PTPRD: variants seen among roughly 807,000 people sequenced by gnomAD.
The protein encoded by PTPRD is protein tyrosine phosphatase receptor type D.
PTPRD carries 34 observed loss-of-function variants against 214.5 expected under a neutral mutation model. That is an observed-to-expected ratio of 0.16 (90% CI 0.12 to 0.21). The LOEUF is 0.21. Ranked by LOEUF, PTPRD falls within the 10% of genes least tolerant of loss-of-function variation. The pLI is 1.00. For missense variants in PTPRD, 2,545 were observed against 2,398.7 expected (o/e 1.06, Z -1.27); for synonymous variants, 1,128 against 845.7 (o/e 1.33, Z -5.79).
intron 7 of PTPRD, among the ~76,000 whole-genome samples, chr9:9,695,515 T>C (rs2097357383): frequency 6.6e-6 from 1 of 152,188 alleles, no homozygotes; most frequent in African/African-American, 2.4e-5. Context: ...AGGAATTGAA[T>C]AGGAATTGCA....
intron 5 of PTPRD, among the ~76,000 whole-genome samples, chr9:9,936,485 C>T (rs2089464784): frequency 6.7e-6 from 1 of 149,898 alleles, no homozygotes; most frequent in Non-Finnish European, 1.5e-5. Context: ...TGCTCACCAT[C>T]ACTGGCCATC....
intron 11 of PTPRD, among the ~76,000 whole-genome samples, chr9:8,858,796 AACACACACACACACACAC>A (rs71317379): frequency 7.1e-6 from 1 of 141,790 alleles, no homozygotes; most frequent in African/African-American, 2.6e-5. Context: ...TGAAGGAGGC[AACACACACACACACACAC>A]ACACACACAC....
At chr9:10,001,623 A>G (rs1399102208) in intron 4 of PTPRD, among the ~76,000 whole-genome samples, 1 of 152,176 alleles carries the variant, frequency 6.6e-6, no homozygotes, top group Non-Finnish European at 1.5e-5. Flanking sequence ...GAAGAAAAAG[A>G]CTATCACATA....
At chr9:9,169,564 T>C (rs1009976221) in intron 10 of PTPRD, among the ~76,000 whole-genome samples, 4 of 152,142 alleles carry the variant, frequency 2.6e-5, no homozygotes, top group Non-Finnish European at 4.4e-5. Context: ...TAGACTTCAT[T>C]ATGTTGCTGG....
chr9:10,167,371 A>G (rs1282568347), intron 3 of PTPRD, among the ~76,000 whole-genome samples: 2 of 152,112 alleles, frequency 1.3e-5, no homozygotes, highest in African/African-American at 2.4e-5. Context: ...GAACAGAATG[A>G]AATGGTAAAG....
intron 33 of PTPRD, among the ~76,000 whole-genome samples, chr9:8,456,677 A>G (rs997363196): frequency 1.3e-5 from 2 of 152,134 alleles, no homozygotes; most frequent in African/African-American, 4.8e-5. Context: ...CCAGTGTTGG[A>G]GCAGGAAAAG....
At chr9:8,385,527 A>G (rs1452907061) in intron 37 of PTPRD, among the ~76,000 whole-genome samples, 1 of 152,176 alleles carries the variant, frequency 6.6e-6, no homozygotes, top group Non-Finnish European at 1.5e-5. Context: ...AAGAAAAACA[A>G]AAACGAGTGA....
intron 3 of PTPRD, among the ~76,000 whole-genome samples, chr9:10,334,129 A>G (rs559164435): frequency 2.9e-4 from 44 of 151,872 alleles, no homozygotes; most frequent in African/African-American, 9.9e-4. Context: ...TAAAGTAAGT[A>G]TACACAATAT....
chr9:9,370,013 G>C (rs2059011947), intron 9 of PTPRD, among the ~76,000 whole-genome samples: 1 of 152,156 alleles, frequency 6.6e-6, no homozygotes, highest in Admixed American at 6.6e-5. Context: ...CGTTACTGTA[G>C]CCTTGTAGTA....
intron 5 of PTPRD, among the ~76,000 whole-genome samples, chr9:9,907,458 G>A (rs972291429): frequency 1.3e-5 from 2 of 151,762 alleles, no homozygotes; most frequent in African/African-American, 2.4e-5. Context: ...CTTTCTCCAC[G>A]GCTTGACCAT....
At chr9:9,018,824 C>T (rs187667149) in intron 10 of PTPRD, 89 bp from the exon 11 acceptor site, 1 of 152,254 alleles carries the variant, frequency 6.6e-6, no homozygotes, top group Admixed American at 6.5e-5. Flanking sequence ...GTTTATATTA[C>T]TTAGCTAGTG....
chr9:9,199,864 T>A (rs538772276), intron 9 of PTPRD, among the ~76,000 whole-genome samples: 1 of 152,338 alleles, frequency 6.6e-6, no homozygotes, highest in African/African-American at 2.4e-5. Context: ...CTGCTGTGAT[T>A]ACTGGACTTG....
chr9:9,059,599 A>G (rs1382806132), intron 10 of PTPRD, among the ~76,000 whole-genome samples: 2 of 152,198 alleles, frequency 1.3e-5, no homozygotes, highest in Non-Finnish European at 2.9e-5. Context: ...AAGAAAATGT[A>G]TGTCCTTAAG....
chr9:10,356,715 C>T (rs1001609323), intron 2 of PTPRD, among the ~76,000 whole-genome samples: 6 of 151,802 alleles, frequency 4.0e-5, no homozygotes, highest in African/African-American at 1.5e-4. Context: ...GAGTCTCACT[C>T]TGTCGCCACG....
chr9:9,278,037 A>G (rs1033709243), intron 9 of PTPRD, among the ~76,000 whole-genome samples: 1 of 151,432 alleles, frequency 6.6e-6, no homozygotes, highest in Non-Finnish European at 1.5e-5. Flanking sequence ...GTGTTAATAA[A>G]TAAGAGTTCT....
chr9:9,045,173 A>T (rs1433705737), intron 10 of PTPRD, among the ~76,000 whole-genome samples: 1 of 152,178 alleles, frequency 6.6e-6, no homozygotes, highest in Non-Finnish European at 1.5e-5. Context: ...CACTTAGATG[A>T]ATTACAAGTG....
chr9:9,921,214 G>A (rs963178741), intron 5 of PTPRD, among the ~76,000 whole-genome samples: 6 of 152,084 alleles, frequency 3.9e-5, no homozygotes, highest in Admixed American at 6.6e-5. Flanking sequence ...CTTTTCAAAA[G>A]TGCTGCTTTC....
At chr9:10,052,274 T>C (rs1167599182) in intron 3 of PTPRD, among the ~76,000 whole-genome samples, 1 of 152,112 alleles carries the variant, frequency 6.6e-6, no homozygotes, top group Non-Finnish European at 1.5e-5. Flanking sequence ...CAGAATAAAG[T>C]AGAGTACAAG....
intron 9 of PTPRD, among the ~76,000 whole-genome samples, chr9:9,263,983 A>T (rs1208737587): frequency 6.6e-6 from 1 of 151,662 alleles, no homozygotes; most frequent in Non-Finnish European, 1.5e-5. Flanking sequence ...TCATCCATAG[A>T]AAAATTTGGA....
Sources: gnomAD v4.1 joint callset for allele counts (sites outside exome capture counted in the v4.1 genomes callset) on GRCh38, gnomAD v4.1.1 for gene constraint, MANE v1.5 for transcripts, NCBI Gene and HGNC (gene_info 2026-07-23, HGNC 2026-07-21) for gene names.